Variants in ABCC6 observed in about 807,000 individuals in gnomAD.
ABCC6 encodes the protein ATP binding cassette subfamily C member 6.
ABCC6 carries 126 observed loss-of-function variants against 169.5 expected under a neutral mutation model. The observed-to-expected ratio is 0.74, with a 90% CI of 0.64 to 0.86. The LOEUF is 0.86. Among genes scored for constraint, ABCC6 ranks in the 40% least tolerant of loss-of-function variants. ABCC6 has a pLI of 0.00. For synonymous variants in ABCC6, 752 were observed against 814.7 expected, an observed-to-expected ratio of 0.92 and a Z score of 1.31; for missense variants, 1,733 against 1,927.2, an observed-to-expected ratio of 0.90 and a Z score of 1.89.
chr16:16,203,224 C>T (rs2048298928), intron 8 of ABCC6, among the ~76,000 whole-genome samples, 186 bp downstream of exon 8: 1 of 152,174 alleles, frequency 6.6e-6, no homozygotes, highest in African/African-American at 2.4e-5. Flanking sequence ...GCTTATTTGC[C>T]CTTCTGGGGG....
At position 16,175,713 on chromosome 16, in the gene ABCC6, A is replaced by G. The variant is rs7405025; in HGVS notation, c.2666+198T>C. Among the ~76,000 whole-genome samples the G allele has an allele frequency of 0.94, 142,517 of 152,250 alleles. 67,337 individuals carry two copies. Among genetic ancestry groups the G allele is most frequent in the Non-Finnish European group, 1 (67,861 of 68,028 alleles). ...TGTTCATTCCATGAACTGGCCTTAT[A>G]GGGGCCTAATCATCTTGGCTAACTG... is the stretch of plus-strand genomic sequence containing the variant. On this transcript the variant is annotated intron_variant, in intron 20 of 30. Transcript: ENST00000205557.
At chr16:16,176,512 A>T (rs1323994903) in intron 19 of ABCC6, among the ~76,000 whole-genome samples, 1 of 152,242 alleles carries the variant, frequency 6.6e-6, no homozygotes, top group East Asian at 1.9e-4. Flanking sequence ...GCATCATCAC[A>T]GCAAAAGCTG....
At position 16,190,245 on chromosome 16, in the gene ABCC6, T is replaced by TCGGATGC; in HGVS notation, c.1547_1553dup (p.Gly519HisfsTer83). On this transcript the variant is annotated frameshift_variant, in exon 12 of 31. Coordinates refer to ENST00000205557, the MANE Select transcript of ABCC6 (RefSeq NM_001171.6). LOFTEE classifies it high-confidence loss of function. ...TCCGCAAGGCGCCCAGCTCCTGGCCTCGGATGCCCAGGACTCTGTCCAGAA... is the reference window on the plus strand; with the variant it reads ...TCCGCAAGGCGCCCAGCTCCTGGCCTCGGATGCCGGATGCCCAGGACTCTGTCCAGAA... 6.2e-7 allele frequency: 1 copy of TCGGATGC among 1,614,038 alleles called. No individual in the cohort carries two copies. The highest frequency in any genetic ancestry group is 1.1e-5 in the South Asian group (1 of 91,050).
chr16:16,194,749 C>G (rs1339353189), intron 10 of ABCC6, among the ~76,000 whole-genome samples: 2 of 151,978 alleles, frequency 1.3e-5, no homozygotes, highest in Admixed American at 1.3e-4. Flanking sequence ...GGAGTGCAGT[C>G]TCATGATCTT....
At position 16,155,002 on chromosome 16, in the gene ABCC6, C is replaced by T. The variant is rs774787962; in HGVS notation, c.3912G>A (p.Gly1304=). Residue 1304 remains glycine, a synonymous_variant, in exon 28 of 31, where the codon GGG becomes GGA. Coordinates refer to ENST00000205557, the MANE Select transcript of ABCC6 (RefSeq NM_001171.6). ...KVGIVGRTGA[G]KSSLASGLLR... ...GCAGCCCACTGGCCAGGGAGGACTT[C>T]CCTGCCCCGGTCCTGCCAACGATGC... The T allele has an allele frequency of 4.5e-6, 7 of 1,564,948 alleles. No homozygotes were observed. Among genetic ancestry groups the T allele is most frequent in the Non-Finnish European group, 4.3e-6 (5 of 1,155,264 alleles).
chr16:16,154,616 G>A lies in ABCC6; in HGVS notation c.4208+12C>T. On this transcript the variant is annotated intron_variant, in intron 29 of 30. Coordinates refer to ENST00000205557, the MANE Select transcript of ABCC6 (RefSeq NM_001171.6). ...CCACCTGCAGGTCCCAGCCATGGTG[G>A]GACGACCATACCTCAGGTCCTCGCC... 1 of 1,611,612 alleles carries A rather than the reference G, an allele frequency of 6.2e-7. No individual in the cohort carries two copies. Among genetic ancestry groups the A allele is most frequent in the Non-Finnish European group, 8.5e-7 (1 of 1,179,972 alleles).
chr16:16,200,222 A>G (rs1194866185), intron 9 of ABCC6, among the ~76,000 whole-genome samples: 2 of 152,242 alleles, frequency 1.3e-5, no homozygotes, highest in African/African-American at 4.8e-5. Flanking sequence ...ACCTGAGGTC[A>G]GGAGTTCGAT....
intron 15 of ABCC6, among the ~76,000 whole-genome samples, chr16:16,183,448 G>A (rs1424644178): frequency 6.6e-6 from 1 of 152,098 alleles, no homozygotes; most frequent in Non-Finnish European, 1.5e-5. Flanking sequence ...CCAGTGACCA[G>A]AGGGATCTGT....
rs779603756 is a variant in ABCC6 at position 16,157,695 on chromosome 16, C to A, written c.3850G>T (p.Gly1284Cys). The change falls in exon 27 of 31, where the codon GGC becomes TGC. Residue 1284 changes from glycine to cysteine, a missense_variant. Physicochemically the swap from Gly to Cys is radical, Grantham distance 159. Transcript: ENST00000205557. ...YRPELPLAVQ[G>C]VSFKIHAGEK... The stretch of plus-strand genomic sequence containing the variant: ...CCTGCGTGGATCTTGAAGGACACGC[C>A]CTGCACAGCCAGCGGGAGCTCAGGT... 2 of 1,613,856 alleles carry A rather than the reference C, an allele frequency of 1.2e-6. No individual in the cohort carries two copies. Among genetic ancestry groups the A allele is most frequent in the Non-Finnish European group, 1.7e-6 (2 of 1,179,978 alleles).
intron 20 of ABCC6, 45 bp from the exon 21 acceptor site, chr16:16,173,449 T>C (rs2152243464): frequency 1.2e-6 from 2 of 1,613,772 alleles, no homozygotes; most frequent in Non-Finnish European, 1.7e-6. Flanking sequence ...TCTCTCCCAA[T>C]GGTGGGGTGT....
At position 16,154,635 on chromosome 16, in the gene ABCC6, C is replaced by T; in HGVS notation, c.4201G>A (p.Asp1401Asn). The T allele has an allele frequency of 6.2e-7, 1 of 1,612,164 alleles. No homozygotes were observed. The highest frequency in any genetic ancestry group is 1.1e-5 in the South Asian group (1 of 90,992). The change falls in exon 29 of 31, where the codon GAC (aspartate) becomes AAC (asparagine). Residue 1401 changes from aspartate to asparagine, a missense_variant. Physicochemically the swap from Asp to Asn is conservative, Grantham distance 23 (BLOSUM62 1). Transcript: ENST00000205557. ...ATGGTGGGACGACCATACCTCAGGT[C>T]CTCGCCTCGGTCAGCACACTTGTAC... is the stretch of plus-strand genomic sequence containing the variant. ...LQYKCADRGE[D>N]LSVGQKQLLC...
chr16:16,172,997 A>G (rs1038978067), intron 21 of ABCC6: 26 of 465,454 alleles, frequency 5.6e-5, no homozygotes, highest in African/African-American at 4.3e-4. Flanking sequence ...AGCTATGATT[A>G]CATCACTGCG....
chr16:16,190,912 T>G (rs910419757), intron 11 of ABCC6, among the ~76,000 whole-genome samples: 61 of 13,870 alleles, frequency 4.4e-3, no homozygotes, highest in South Asian at 7.9e-3. Context: ...GAGATGGGGG[T>G]GGGGGGTGGG....
rs2046587833 is a variant in ABCC6 at position 16,157,511 on chromosome 16, A to G, written c.3882+152T>C. The G allele has an allele frequency of 2.2e-5, 22 of 986,730 alleles. 1 individual carries two copies. The South Asian group carries it at 2.5e-4, about 11-fold the overall frequency. The allele number at this position is 986,730 out of a possible 1,614,324, so 61.1% of individuals were successfully genotyped here. ...GATGGAAGCAGGTTTGGGGAAGGTG[A>G]GGAGTTCATTTTAGGGGGTAATGGG... On this transcript the variant is annotated intron_variant, in intron 27 of 30. Transcript: ENST00000205557.
intron 7 of ABCC6, among the ~76,000 whole-genome samples, chr16:16,208,410 T>C (rs1331602338): frequency 6.6e-6 from 1 of 151,868 alleles, no homozygotes; most frequent in East Asian, 1.9e-4. Flanking sequence ...TCTGGCCCTG[T>C]CACTCAGGCT....
At position 16,203,552 on chromosome 16, in the gene ABCC6, C is replaced by T. The variant is rs752725393; in HGVS notation, c.856G>A (p.Glu286Lys). 20 of 1,614,008 alleles carry T rather than the reference C, an allele frequency of 1.2e-5. No individual in the cohort carries two copies. Among genetic ancestry groups the T allele is most frequent in the South Asian group, 4.4e-5 (4 of 91,074 alleles). The part of the protein sequence containing the change: ...GGSGMKAPET[E>K]PFLRQEGSQW... The stretch of plus-strand genomic sequence containing the variant: ...CTCCCTTCTTGCCGTAGGAAGGGCT[C>T]GGTCTCTGGAGCCTTCATGCCACTG... The change falls in exon 8 of 31, where the codon GAG (glutamate) becomes AAG (lysine). Residue 286 changes from glutamate to lysine, a missense_variant. By Grantham distance (56) the Glu-to-Lys change is moderately conservative. This residue lies in a region of ABCC6 where 1,601 missense variants were observed against 1,635.5 expected (regional missense o/e 0.98). Transcript: ENST00000205557.
chr16:16,197,957 G>A, intron 10 of ABCC6, 64 bp downstream of exon 10: 1 of 1,496,010 alleles, frequency 6.7e-7, no homozygotes, highest in Non-Finnish European at 9.1e-7. Flanking sequence ...GAGGGGGAAG[G>A]AGGAGGGGGA....
Position 16,202,054 on chromosome 16 carries a change from T to C in ABCC6, c.1123A>G (p.Lys375Glu). 3 of 1,614,014 alleles carry C rather than the reference T, an allele frequency of 1.9e-6. No individual in the cohort carries two copies. The highest frequency in any genetic ancestry group is 2.5e-6 in the Non-Finnish European group (3 of 1,179,878). Reference protein sequence around the residue: ...LFEQQNMYRLKVLQMRLRSAI... With the variant: ...LFEQQNMYRLEVLQMRLRSAI... ...GACCGCAACCTCATCTGCAGCACCT[T>C]GAGCCTGTACATGTTCTGCTGCTCA... The change falls in exon 9 of 31, where the codon AAG (lysine) becomes GAG (glutamate). Residue 375 changes from lysine (K) to glutamate (E), a missense_variant. Lys to Glu is a moderately conservative substitution (Grantham distance 56). This residue lies in a region of ABCC6 where 1,601 missense variants were observed against 1,635.5 expected (regional missense o/e 0.98). Coordinates refer to ENST00000205557, the MANE Select transcript of ABCC6 (RefSeq NM_001171.6).
intron 22 of ABCC6, among the ~76,000 whole-genome samples, chr16:16,168,897 A>G (rs1162729444): frequency 1.3e-5 from 2 of 152,094 alleles, no homozygotes; most frequent in Admixed American, 1.3e-4. Flanking sequence ...CTTGGCCAAC[A>G]TGGTGAAACC....
Sources: gnomAD v4.1 joint callset for allele counts (sites outside exome capture counted in the v4.1 genomes callset) on GRCh38, gnomAD v4.1.1 for gene constraint, gnomAD v4.1.1 regional missense constraint, MANE v1.5 for transcripts, NCBI Gene and HGNC (gene_info 2026-07-23, HGNC 2026-07-21) for gene names.